The following MAST4 variants were observed in gnomAD, a reference collection of about 807,000 sequenced individuals.
The protein encoded by MAST4 is microtubule-associated serine/threonine-protein kinase 4.
In MAST4, 89 loss-of-function variants were observed where a neutral mutation model predicts 162.7. The ratio of observed to expected loss-of-function variants is 0.55; its 90% CI spans 0.46 to 0.65. The LOEUF is 0.65. MAST4 is among the 30% of genes least tolerant of loss of function. The pLI is 0.00. For missense variants in MAST4, 3,153 were observed against 3,374.0 expected (o/e 0.93, Z 1.62); for synonymous variants, 1,479 against 1,361.1 (o/e 1.09, Z -1.91).
At chr5:66,919,060 A>T (rs954046189) in intron 4 of MAST4, among the ~76,000 whole-genome samples, 2 of 150,592 alleles carry the variant, frequency 1.3e-5, no homozygotes, top group Non-Finnish European at 3.0e-5. Flanking sequence ...CCAAGATCAC[A>T]CCACTGCACT....
At position 67,049,029 on chromosome 5, in the gene MAST4, A is replaced by G. The variant is rs1355703742; in HGVS notation, c.675-5375A>G. 2.0e-3 allele frequency among the ~76,000 whole-genome samples: 234 copies of G among 115,360 alleles called. 3 individuals are homozygous for G. The highest frequency in any genetic ancestry group is 2.8e-3 in the Non-Finnish European group (157 of 55,514). 75.7% of individuals were successfully genotyped at this position (115,360 alleles called of 152,430 possible). A position where few individuals can be genotyped will look rare whatever the true frequency, so the allele number is the denominator to read the frequency against. Reference sequence around the variant, plus strand: ...CACACATATATATATATACGTATATATATATATATATACGTGTATATATAT... The same window carrying G: ...CACACATATATATATATACGTATATGTATATATATATACGTGTATATATAT... On this transcript the variant is annotated intron_variant, in intron 4 of 28. Transcript: ENST00000403625.
At chr5:66,598,368 T>G (rs772671820) in intron 1 of MAST4, among the ~76,000 whole-genome samples, 2 of 152,220 alleles carry the variant, frequency 1.3e-5, no homozygotes, top group Non-Finnish European at 2.9e-5. Context: ...AGTTCCATAA[T>G]CTGTAAAAGG....
intron 1 of MAST4, among the ~76,000 whole-genome samples, chr5:66,752,266 A>C (rs1258191742): frequency 6.6e-6 from 1 of 152,062 alleles, no homozygotes; most frequent in Admixed American, 6.5e-5. Flanking sequence ...CTAACATCAT[A>C]ATGACAGGAT....
intron 1 of MAST4, among the ~76,000 whole-genome samples, chr5:66,680,805 A>C (rs1748282139): frequency 6.6e-6 from 1 of 152,162 alleles, no homozygotes; most frequent in Non-Finnish European, 1.5e-5. Context: ...TGGTTTTGAT[A>C]AAAGTTCTTT....
chr5:66,759,747 G>A lies in MAST4; in HGVS notation c.402G>A (p.Arg134=). 6.2e-7 allele frequency: 1 copy of A among 1,613,998 alleles called. No individual in the cohort carries two copies. The highest frequency in any genetic ancestry group is 8.5e-7 in the Non-Finnish European group (1 of 1,179,880). Residue 134 remains arginine (R), a synonymous_variant, in exon 2 of 29, where the codon CGG becomes CGA. Coordinates refer to ENST00000403625, the MANE Select transcript of MAST4 (RefSeq NM_001164664.2). The part of the protein sequence containing the change: ...HILSPPPMPF[R]KCSNPDVASG... ...TATCCCCTCCACCCATGCCGTTTCG[G>A]AAATGCAGCAACCCAGATGTGGCTT...
chr5:67,150,524 G>A (rs766090080), intron 24 of MAST4, among the ~76,000 whole-genome samples: 5 of 152,204 alleles, frequency 3.3e-5, no homozygotes, highest in Non-Finnish European at 5.9e-5. Flanking sequence ...TGTATCCCTA[G>A]TCTGTGTGAC....
intron 3 of MAST4, among the ~76,000 whole-genome samples, chr5:66,790,233 G>A (rs963279333): frequency 1.3e-5 from 2 of 152,026 alleles, no homozygotes; most frequent in Non-Finnish European, 2.9e-5. Flanking sequence ...ATGCAGTAAT[G>A]GATGCAGATT....
intron 1 of MAST4, among the ~76,000 whole-genome samples, chr5:66,693,876 G>T (rs1158459160): frequency 1.3e-5 from 2 of 152,150 alleles, no homozygotes; most frequent in African/African-American, 4.8e-5. Context: ...ACCCAAAGTT[G>T]TAGTGATCAC....
intron 1 of MAST4, among the ~76,000 whole-genome samples, chr5:66,671,497 A>C (rs1273817094): frequency 6.6e-6 from 1 of 152,200 alleles, no homozygotes; most frequent in Non-Finnish European, 1.5e-5. Flanking sequence ...GTTTACCCTA[A>C]GCTGCAAGAG....
chr5:66,820,013 A>G (rs1263350094), intron 3 of MAST4, among the ~76,000 whole-genome samples: 2 of 143,298 alleles, frequency 1.4e-5, no homozygotes, highest in Admixed American at 7.0e-5. Context: ...CTTAAACATT[A>G]CAAACTATGT....
At chr5:66,954,298 C>A (rs555142965) in intron 4 of MAST4, among the ~76,000 whole-genome samples, 1 of 152,248 alleles carries the variant, frequency 6.6e-6, no homozygotes, top group East Asian at 1.9e-4. Flanking sequence ...CTGAACATGT[C>A]CCAATTCTCC....
intron 3 of MAST4, among the ~76,000 whole-genome samples, chr5:66,814,648 A>G (rs1756637033): frequency 6.6e-6 from 1 of 152,186 alleles, no homozygotes; most frequent in African/African-American, 2.4e-5. Flanking sequence ...GATGGAGGTA[A>G]AAATACTGGG....
intron 11 of MAST4, among the ~76,000 whole-genome samples, chr5:67,112,296 A>G (rs2150910936): frequency 6.6e-6 from 1 of 152,324 alleles, no homozygotes; most frequent in East Asian, 1.9e-4. Flanking sequence ...TCACAACATG[A>G]TTCTGACACC....
At chr5:66,950,936 A>ACTTT (rs1314057123) in intron 4 of MAST4, among the ~76,000 whole-genome samples, 1 of 152,154 alleles carries the variant, frequency 6.6e-6, no homozygotes, top group Non-Finnish European at 1.5e-5. Flanking sequence ...GCTTAACATT[A>ACTTT]TGTTTGCAAG....
intron 4 of MAST4, among the ~76,000 whole-genome samples, chr5:66,911,054 C>G (rs1456670687): frequency 6.6e-6 from 1 of 152,104 alleles, no homozygotes; most frequent in Non-Finnish European, 1.5e-5. Flanking sequence ...CCCATGTTTT[C>G]TTTTAATAAG....
At chr5:66,767,170 C>CGTTGTGTGTGTGTGTGTGTGT (rs1491178013) in intron 2 of MAST4, among the ~76,000 whole-genome samples, 10 of 139,482 alleles carry the variant, frequency 7.2e-5, no homozygotes, top group African/African-American at 2.7e-4. Context: ...GTAAAGTGCA[C>CGTTGTGTGTGTGTGTGTGTGT]GTGTGTGTGT....
intron 6 of MAST4, 62 bp from the exon 7 acceptor site, chr5:67,095,535 C>G: frequency 7.8e-7 from 1 of 1,289,102 alleles, no homozygotes; most frequent in Non-Finnish European, 1.1e-6. Flanking sequence ...ACTTAGTTTC[C>G]CTGGGGTTCC....
At chr5:66,829,416 TA>T (rs1316727650) in intron 3 of MAST4, among the ~76,000 whole-genome samples, 7 of 152,138 alleles carry the variant, frequency 4.6e-5, no homozygotes, top group Admixed American at 2.6e-4. Flanking sequence ...AAAAGATATG[TA>T]ACTCACTGCC....
intron 23 of MAST4, 76 bp downstream of exon 23, chr5:67,145,455 C>T: frequency 2.4e-6 from 3 of 1,259,306 alleles, no homozygotes; most frequent in East Asian, 2.4e-5. Context: ...CCAGGGCGGG[C>T]CTCGCCAGGC....
Sources: allele counts gnomAD v4.1 joint callset (sites outside exome capture counted in the v4.1 genomes callset), GRCh38; gene constraint gnomAD v4.1.1; transcripts MANE v1.5; gene names NCBI Gene and HGNC (gene_info 2026-07-23, HGNC 2026-07-21).